OR8G5: variants seen among roughly 807,000 people sequenced by gnomAD.
OR8G5 encodes the protein olfactory receptor 8G5.
For synonymous variants in OR8G5, 147 were observed against 147.7 expected, an observed-to-expected ratio of 1.00 and a Z score of 0.03; for missense variants, 347 against 371.9, an observed-to-expected ratio of 0.93 and a Z score of 0.55.
At chr11:124,260,185 T>C (rs1861955662) in intron 1 of OR8G5, among the ~76,000 whole-genome samples, 1 of 151,552 alleles carries the variant, frequency 6.6e-6, no homozygotes, top group South Asian at 2.1e-4. Flanking sequence ...ATTTTTTTTG[T>C]CTTTAAATAA....
In OR8G5 at chr11:124,265,492, C is replaced by G; in HGVS notation, c.561C>G (p.Leu187=). ...GTGATCTTATTTCTATCTTGAAGCT[C>G]TCCTGTTCTAGTACTTACATTAATG... is the stretch of plus-strand genomic sequence containing the variant. ...YFCDLISILK[L]SCSSTYINEL... Residue 187 remains leucine (L), a synonymous_variant, in exon 2 of 2, where the codon CTC becomes CTG. Transcript: ENST00000641992. The G allele has an allele frequency of 6.2e-7, 1 of 1,613,948 alleles. No homozygotes were observed. The highest frequency in any genetic ancestry group is 2.2e-5 in the East Asian group (1 of 44,888).
intron 1 of OR8G5, among the ~76,000 whole-genome samples, chr11:124,257,777 A>G (rs1319251735): frequency 6.6e-6 from 1 of 152,184 alleles, no homozygotes; most frequent in African/African-American, 2.4e-5. Context: ...TTAGTTAGAT[A>G]AGGAAATTCC....
chr11:124,265,832 C>T lies in OR8G5; in HGVS notation c.901C>T (p.Leu301=), dbSNP rs780308830. 6.2e-7 allele frequency: 1 copy of T among 1,613,490 alleles called. No individual in the cohort carries two copies. The highest frequency in any genetic ancestry group is 1.7e-5 in the Admixed American group (1 of 59,934). The change falls in exon 2 of 2, where the codon CTG becomes TTG. Residue 301 remains leucine, a synonymous_variant. Transcript: ENST00000641992. The part of the protein sequence containing the change: ...SLRNKDVHVA[L]KKTLGKRTFL ...GAGGAATAAAGATGTCCACGTTGCC[C>T]TGAAGAAAACGCTAGGGAAAAGAAC...
chr11:124,264,926 C>CAG lies in OR8G5; in HGVS notation c.-5_-4insGA. 8 of 1,613,392 alleles carry CAG rather than the reference C, an allele frequency of 5.0e-6. No homozygotes were observed. The highest frequency in any genetic ancestry group is 5.9e-6 in the Non-Finnish European group (7 of 1,179,444). On this transcript the variant is annotated 5_prime_UTR_variant, in exon 2 of 2. Coordinates refer to ENST00000641992, the MANE Select transcript of OR8G5 (RefSeq NM_001005198.2). ...TTTTCTCTCCCCTGCAGAAACTCATCAAAGAATGGCAGCAGAAAACCATTC... is the reference window on the plus strand; with the variant it reads ...TTTTCTCTCCCCTGCAGAAACTCATCAGAAAGAATGGCAGCAGAAAACCATTC...
Sources: allele counts gnomAD v4.1 joint callset (sites outside exome capture counted in the v4.1 genomes callset), GRCh38; gene constraint gnomAD v4.1.1; transcripts MANE v1.5; gene names NCBI Gene and HGNC (gene_info 2026-07-23, HGNC 2026-07-21).